The following SLC17A1 variants were observed in gnomAD, a reference collection of about 807,000 sequenced individuals.
SLC17A1 encodes the protein sodium-dependent phosphate transport protein 1.
In SLC17A1, 51 loss-of-function variants were observed where a neutral mutation model predicts 53.5. The observed-to-expected ratio is 0.95, with a 90% CI of 0.76 to 1.20. The LOEUF (loss-of-function observed/expected upper bound fraction) is 1.20, where lower values mean the gene tolerates loss of function less well. Among genes scored for constraint, SLC17A1 ranks in the 50% most tolerant of loss-of-function variants. The pLI, the probability that SLC17A1 is intolerant of heterozygous loss-of-function variation, is 0.00. For synonymous variants in SLC17A1, 179 were observed against 198.8 expected (o/e 0.90, Z 0.84); for missense variants, 538 against 568.2 (o/e 0.95, Z 0.54).
At chr6:25,758,758 A>G in the SLC17A1 span, among the ~76,000 whole-genome samples, 483 of 151,688 alleles carry the variant, frequency 3.2e-3, 12 homozygotes, top group East Asian at 0.018. Flanking sequence ...TGTTTCATTT[A>G]TCTTTTGTAT....
chr6:25,823,985 C>A (rs1213961278), intron 3 of SLC17A1, among the ~76,000 whole-genome samples: 1 of 151,648 alleles, frequency 6.6e-6, no homozygotes, highest in Non-Finnish European at 1.5e-5. Context: ...CATTCAGAGG[C>A]AATTCAGTGG....
the SLC17A1 span, chr6:25,770,918 C>G: frequency 4.3e-6 from 7 of 1,611,460 alleles, no homozygotes; most frequent in Non-Finnish European, 5.9e-6. Flanking sequence ...CTCGCCTCTT[C>G]TGTTCAGGGT....
Position 25,826,608 on chromosome 6 carries a change from A to G in SLC17A1, c.60T>C (p.Tyr20=). The G allele has an allele frequency of 6.3e-7, 1 of 1,586,584 alleles. No homozygotes were observed. Among genetic ancestry groups the G allele is most frequent in the East Asian group, 2.3e-5 (1 of 43,748 alleles). ...KKVPGFCSFR[Y]GLSFLVHCCN... ...AACAGTGCACAAGGAAAGACAATCC[A>G]TAGCGAAAGGAACAGAAACCTGGAA... Residue 20 remains tyrosine, a synonymous_variant, in exon 3 of 13, where the codon TAT becomes TAC. Transcript: ENST00000244527.
At chr6:25,727,091 G>C in the SLC17A1 span, 1 of 1,614,240 alleles carries the variant, frequency 6.2e-7, no homozygotes, top group Non-Finnish European at 8.5e-7. Flanking sequence ...CGAAAGCTAT[G>C]AGCATTATGA....
At chr6:25,823,831 G>A (rs1287705060) in intron 3 of SLC17A1, among the ~76,000 whole-genome samples, 1 of 151,876 alleles carries the variant, frequency 6.6e-6, no homozygotes, top group Non-Finnish European at 1.5e-5. Context: ...TTGTTCATAT[G>A]TGTGTCAGTC....
At chr6:25,779,098 T>C, downstream of SLC17A1, 4 of 1,613,942 alleles carry the variant, frequency 2.5e-6, no homozygotes, top group Non-Finnish European at 3.4e-6. Flanking sequence ...TTTCAGCTGC[T>C]GTTAACATAT....
the SLC17A1 span, chr6:25,773,278 G>A: frequency 1.2e-6 from 2 of 1,613,180 alleles, no homozygotes; most frequent in East Asian, 4.5e-5. Context: ...TTCCTAGGAG[G>A]AATTGGCTGT....
the SLC17A1 span, among the ~76,000 whole-genome samples, chr6:25,724,868 T>C: frequency 9.0e-6 from 1 of 111,402 alleles, no homozygotes; most frequent in Non-Finnish European, 1.8e-5. Flanking sequence ...GCATCCCTTA[T>C]TTATTATGTA....
chr6:25,771,111 T>C, the SLC17A1 span: 1 of 983,606 alleles, frequency 1.0e-6, no homozygotes, highest in Admixed American at 1.8e-5. Flanking sequence ...GATATTTACA[T>C]AGCTAAAGCT....
the SLC17A1 span, chr6:25,727,112 C>T: frequency 3.7e-6 from 6 of 1,614,226 alleles, no homozygotes; most frequent in East Asian, 1.1e-4. Context: ...ATTCCTTCGT[C>T]ACTGATATCT....
At chr6:25,727,078 C>T in the SLC17A1 span, 21 of 1,614,132 alleles carry the variant, frequency 1.3e-5, no homozygotes, top group Admixed American at 3.3e-5. Context: ...ACTGGCATCT[C>T]TTCGAAAGCT....
chr6:25,767,505 C>T, the SLC17A1 span, among the ~76,000 whole-genome samples: 1 of 152,198 alleles, frequency 6.6e-6, no homozygotes, highest in South Asian at 2.1e-4. Context: ...GAATACACAG[C>T]TATAAGTAGA....
downstream of SLC17A1, chr6:25,781,004 T>C (rs1386407680): frequency 6.6e-6 from 1 of 152,162 alleles, no homozygotes; most frequent in African/African-American, 2.4e-5. Flanking sequence ...TGGATTTCTC[T>C]TGTGAGACCT....
At chr6:25,762,716 G>A in the SLC17A1 span, among the ~76,000 whole-genome samples, 1 of 152,124 alleles carries the variant, frequency 6.6e-6, no homozygotes, top group South Asian at 2.1e-4. Flanking sequence ...ATATCTTCAA[G>A]AAAAGAGATT....
the SLC17A1 span, among the ~76,000 whole-genome samples, chr6:25,724,845 G>GC: frequency 6.6e-6 from 1 of 151,786 alleles, no homozygotes; most frequent in South Asian, 2.1e-4. Flanking sequence ...TTCAATTTTT[G>GC]CCGTCCCTAA....
At chr6:25,801,367 C>A (rs1763754154) in intron 10 of SLC17A1, among the ~76,000 whole-genome samples, 1 of 152,186 alleles carries the variant, frequency 6.6e-6, no homozygotes, top group Non-Finnish European at 1.5e-5. Flanking sequence ...AGGTCCAGAG[C>A]TACTGACCTC....
At chr6:25,764,484 G>T in the SLC17A1 span, among the ~76,000 whole-genome samples, 1 of 152,200 alleles carries the variant, frequency 6.6e-6, no homozygotes, top group Non-Finnish European at 1.5e-5. Flanking sequence ...CAACTAGATT[G>T]AAACTAAGGA....
chr6:25,822,577 G>C (rs1254186335), intron 3 of SLC17A1, among the ~76,000 whole-genome samples: 1 of 152,090 alleles, frequency 6.6e-6, no homozygotes, highest in Non-Finnish European at 1.5e-5. Context: ...GATGGCAAAA[G>C]GTTTCATGGG....
chr6:25,732,509 C>G, the SLC17A1 span: 1 of 416,240 alleles, frequency 2.4e-6, no homozygotes, highest in African/African-American at 2.1e-5. Flanking sequence ...TTCTGCAGTT[C>G]CCCGTGGGCG....
Sources: gnomAD v4.1 joint callset for allele counts (sites outside exome capture counted in the v4.1 genomes callset) on GRCh38, gnomAD v4.1.1 for gene constraint, MANE v1.5 for transcripts, NCBI Gene and HGNC (gene_info 2026-07-23, HGNC 2026-07-21) for gene names.